The following ANKS1A variants were observed in gnomAD, a reference collection of about 807,000 sequenced individuals.
The protein encoded by ANKS1A is ankyrin repeat and SAM domain-containing protein 1A.
Under a neutral mutation model 120.3 loss-of-function variants are expected in ANKS1A, and 55 were observed. The observed-to-expected ratio is 0.46, with a 90% confidence interval of 0.37 to 0.57. ANKS1A has a LOEUF of 0.57. ANKS1A is among the 20% of genes least tolerant of loss of function. ANKS1A has a pLI of 0.00. For missense variants in ANKS1A, 1,123 were observed against 1,480.3 expected, an observed-to-expected ratio of 0.76 and a Z score of 3.96; for synonymous variants, 590 against 604.7, an observed-to-expected ratio of 0.98 and a Z score of 0.36.
intron 13 of ANKS1A, among the ~76,000 whole-genome samples, chr6:35,066,436 C>T (rs988258897): frequency 6.6e-6 from 1 of 151,974 alleles, no homozygotes; most frequent in Non-Finnish European, 1.5e-5. Context: ...TGACCTCAGC[C>T]AAGACCTCAA....
intron 13 of ANKS1A, among the ~76,000 whole-genome samples, chr6:35,069,717 AT>A (rs34879318): frequency 0.79 from 117,833 of 149,960 alleles, 47,013 homozygotes; most frequent in South Asian, 0.92. Context: ...ATATATATAT[AT>A]TTTTTTTTTT....
In ANKS1A at chr6:35,090,431, A is replaced by G; in HGVS notation, c.*1822A>G. 2 of 1,194,694 alleles carry G rather than the reference A, an allele frequency of 1.7e-6. No homozygotes were observed. Among genetic ancestry groups the G allele is most frequent in the Non-Finnish European group, 2.1e-6 (2 of 943,970 alleles). 74.0% of individuals were successfully genotyped at this position (1,194,694 alleles called of 1,614,324 possible). ...GGGCGGTAGGTCCGAAAGAAACCGCAGACACTACGATGCACTCCTCAAGCT... is the reference window on the plus strand; with the variant it reads ...GGGCGGTAGGTCCGAAAGAAACCGCGGACACTACGATGCACTCCTCAAGCT... On this transcript the variant is annotated 3_prime_UTR_variant, in exon 24 of 24. Transcript: ENST00000360359.
chr6:35,026,280 G>T lies in ANKS1A; in HGVS notation c.2010+8221G>T, dbSNP rs182954656. Among the ~76,000 whole-genome samples, 456 of 152,264 alleles carry T rather than the reference G, an allele frequency of 3.0e-3. 3 individuals are homozygous for T. Among genetic ancestry groups the T allele is most frequent in the Non-Finnish European group, 2.6e-3 (174 of 68,012 alleles). ...TCTAAGCAATTGTGTCTAAGAACAAGTAGAGGTATTTTACATAATCAGTAA... is the reference window on the plus strand; with the variant it reads ...TCTAAGCAATTGTGTCTAAGAACAATTAGAGGTATTTTACATAATCAGTAA... On this transcript the variant is annotated intron_variant, in intron 11 of 23. Coordinates refer to ENST00000360359, the MANE Select transcript of ANKS1A (RefSeq NM_015245.3).
intron 1 of ANKS1A, among the ~76,000 whole-genome samples, chr6:34,940,005 G>A (rs572551456): frequency 6.5e-4 from 99 of 152,318 alleles, no homozygotes; most frequent in Non-Finnish European, 1.1e-3. Flanking sequence ...TGGTCATCTT[G>A]GTCCTGGTTA....
Position 35,089,346 on chromosome 6 carries a change from TAGCC to T in ANKS1A, c.*741_*744del, listed in dbSNP as rs1228746340. On this transcript the variant is annotated 3_prime_UTR_variant, in exon 24 of 24. Coordinates refer to ENST00000360359, the MANE Select transcript of ANKS1A (RefSeq NM_015245.3). The stretch of plus-strand genomic sequence containing the variant: ...TGCAGTTTCTAGTGCTGGGAAGTCT[TAGCC>T]AGCACCAGAGCGCCAGGCCTCTCCC... The T allele has an allele frequency of 5.1e-6, 5 of 986,800 alleles. No individual in the cohort carries two copies. The highest frequency in any genetic ancestry group is 9.4e-5 in the South Asian group (2 of 21,334). The allele number at this position is 986,800 out of a possible 1,614,324, so 61.1% of individuals were successfully genotyped here. A position where few individuals can be genotyped will look rare whatever the true frequency, so the allele number is the denominator to read the frequency against.
At chr6:35,004,841 G>T (rs1382511562) in intron 10 of ANKS1A, among the ~76,000 whole-genome samples, 2 of 152,176 alleles carry the variant, frequency 1.3e-5, no homozygotes, top group Non-Finnish European at 2.9e-5. Flanking sequence ...AGAAAGTGTG[G>T]TGTATATGAT....
At chr6:34,920,007 G>A (rs1437745165) in intron 1 of ANKS1A, among the ~76,000 whole-genome samples, 1 of 152,054 alleles carries the variant, frequency 6.6e-6, no homozygotes, top group Non-Finnish European at 1.5e-5. Flanking sequence ...CTCCTTGAAA[G>A]TAGGTAAGGT....
intron 11 of ANKS1A, among the ~76,000 whole-genome samples, chr6:35,053,096 T>C (rs561340092): frequency 1.3e-5 from 2 of 152,324 alleles, no homozygotes; most frequent in East Asian, 3.9e-4. Flanking sequence ...GGCTGGAGAA[T>C]TGTTTTTCCA....
chr6:35,081,295 C>G, intron 17 of ANKS1A, 137 bp downstream of exon 17: 1 of 1,216,042 alleles, frequency 8.2e-7, no homozygotes, highest in South Asian at 1.6e-5. Flanking sequence ...CTAGCCTGCT[C>G]TGCTCGCCCA....
intron 1 of ANKS1A, among the ~76,000 whole-genome samples, chr6:34,960,621 A>G (rs1335002249): frequency 6.6e-6 from 1 of 151,990 alleles, no homozygotes; most frequent in Non-Finnish European, 1.5e-5. Flanking sequence ...TTGAGGGGGG[A>G]TTCAAAAGCC....
intron 1 of ANKS1A, among the ~76,000 whole-genome samples, chr6:34,908,173 T>C (rs774249516): frequency 8.5e-5 from 13 of 152,298 alleles, no homozygotes; most frequent in Non-Finnish European, 1.6e-4. Flanking sequence ...AGGAAGAGGC[T>C]ATGGTAATGG....
At chr6:35,038,251 C>G (rs1306439920) in intron 11 of ANKS1A, 1 of 456,664 alleles carries the variant, frequency 2.2e-6, no homozygotes, top group Non-Finnish European at 4.4e-6. Flanking sequence ...CATGCCTGGC[C>G]TCCTTGTGGG....
At chr6:35,042,419 G>A (rs983299937) in intron 11 of ANKS1A, among the ~76,000 whole-genome samples, 1 of 152,198 alleles carries the variant, frequency 6.6e-6, no homozygotes, top group Admixed American at 6.5e-5. Flanking sequence ...ATCAGTTAAG[G>A]TGTAACCACT....
At chr6:34,952,901 G>A (rs1198901298) in intron 1 of ANKS1A, among the ~76,000 whole-genome samples, 1 of 151,836 alleles carries the variant, frequency 6.6e-6, no homozygotes, top group African/African-American at 2.4e-5. Flanking sequence ...GTAGAGATGG[G>A]GTTTCTCCAT....
chr6:35,046,278 G>A (rs2127580930), intron 11 of ANKS1A, among the ~76,000 whole-genome samples: 1 of 152,306 alleles, frequency 6.6e-6, no homozygotes, highest in East Asian at 1.9e-4. Context: ...AAGCTGTGCT[G>A]AGAGCCCTTC....
intron 14 of ANKS1A, among the ~76,000 whole-genome samples, chr6:35,078,986 C>G (rs1777516145): frequency 6.6e-6 from 1 of 152,200 alleles, no homozygotes. Flanking sequence ...CATGGTCTCT[C>G]TGGCTCACTG....
At chr6:34,892,336 A>G (rs1353132126) in intron 1 of ANKS1A, among the ~76,000 whole-genome samples, 1 of 152,220 alleles carries the variant, frequency 6.6e-6, no homozygotes. Context: ...AGATGTGGAC[A>G]TAGTGAAGGG....
At chr6:34,911,220 G>A (rs1352975448) in intron 1 of ANKS1A, among the ~76,000 whole-genome samples, 1 of 152,184 alleles carries the variant, frequency 6.6e-6, no homozygotes, top group African/African-American at 2.4e-5. Flanking sequence ...GTGAACCTCT[G>A]AACTGAGTGG....
At chr6:34,969,839 G>C (rs1771092016) in intron 2 of ANKS1A, among the ~76,000 whole-genome samples, 171 bp from the exon 3 acceptor site, 1 of 152,180 alleles carries the variant, frequency 6.6e-6, no homozygotes, top group African/African-American at 2.4e-5. Flanking sequence ...ATCAGCAGCT[G>C]TACAAGTAGC....
Sources: allele counts gnomAD v4.1 joint callset (sites outside exome capture counted in the v4.1 genomes callset), GRCh38; gene constraint gnomAD v4.1.1; transcripts MANE v1.5; gene names NCBI Gene and HGNC (gene_info 2026-07-23, HGNC 2026-07-21).